Variants in CNTN5 observed in about 807,000 individuals in gnomAD.
CNTN5 encodes contactin 5.
Under a neutral mutation model 129.1 loss-of-function variants are expected in CNTN5, and 77 were observed. The ratio of observed to expected loss-of-function variants is 0.60; its 90% confidence interval spans 0.50 to 0.72. The LOEUF is 0.72. Among genes scored for constraint, CNTN5 ranks in the 30% least tolerant of loss-of-function variants. The pLI is 0.00. For synonymous variants in CNTN5, 509 were observed against 465.6 expected (o/e 1.09, Z -1.20); for missense variants, 1,478 against 1,328.8 (o/e 1.11, Z -1.75).
At chr11:99,475,694 GTTT>G (rs1205689088) in intron 2 of CNTN5, among the ~76,000 whole-genome samples, 1 of 151,338 alleles carries the variant, frequency 6.6e-6, no homozygotes, top group African/African-American at 2.4e-5. Context: ...TATTATATTG[GTTT>G]TTATTTGTAA....
chr11:100,056,433 A>G (rs12274874), intron 9 of CNTN5, among the ~76,000 whole-genome samples: 9,320 of 151,768 alleles, frequency 0.061, 973 homozygotes, highest in African/African-American at 0.21. Context: ...ACCATGAAAA[A>G]AAAAAGCTAA....
At chr11:99,988,982 A>G (rs1043418438) in intron 8 of CNTN5, among the ~76,000 whole-genome samples, 1 of 152,106 alleles carries the variant, frequency 6.6e-6, no homozygotes, top group Non-Finnish European at 1.5e-5. Context: ...GTTTTTGCAG[A>G]AAGGACTGTG....
intron 3 of CNTN5, among the ~76,000 whole-genome samples, chr11:99,794,149 C>A (rs1945850740): frequency 6.6e-6 from 1 of 150,488 alleles, no homozygotes; most frequent in Non-Finnish European, 1.5e-5. Flanking sequence ...TTGAATTGAA[C>A]CATTTACTGT....
intron 3 of CNTN5, among the ~76,000 whole-genome samples, chr11:99,683,862 G>A (rs555103623): frequency 2.7e-4 from 41 of 150,880 alleles, no homozygotes; most frequent in Non-Finnish European, 5.2e-4. Flanking sequence ...TGTACGTGAT[G>A]TTTTGATACA....
chr11:99,922,040 G>A (rs140316378), intron 7 of CNTN5, among the ~76,000 whole-genome samples: 108 of 152,188 alleles, frequency 7.1e-4, no homozygotes, highest in South Asian at 3.7e-3. Flanking sequence ...GTCCATTTTC[G>A]TATTGCTGTG....
At chr11:99,246,799 A>G (rs1861834652) in intron 1 of CNTN5, among the ~76,000 whole-genome samples, 1 of 152,156 alleles carries the variant, frequency 6.6e-6, no homozygotes, top group South Asian at 2.1e-4. Context: ...AGGAACAAAA[A>G]CAATATTGAC....
At chr11:99,718,763 G>A (rs933340390) in intron 3 of CNTN5, among the ~76,000 whole-genome samples, 2 of 152,036 alleles carry the variant, frequency 1.3e-5, no homozygotes, top group African/African-American at 4.8e-5. Flanking sequence ...TTTGCTAAGT[G>A]TCACAAACAC....
At chr11:100,211,392 A>G (rs1949027790) in intron 15 of CNTN5, among the ~76,000 whole-genome samples, 1 of 152,134 alleles carries the variant, frequency 6.6e-6, no homozygotes. Context: ...ATGTATGAAG[A>G]ACGATGTCAA....
intron 1 of CNTN5, among the ~76,000 whole-genome samples, chr11:99,178,288 C>T (rs960872784): frequency 6.6e-6 from 1 of 151,172 alleles, no homozygotes; most frequent in African/African-American, 2.4e-5. Flanking sequence ...CAAGACCAGT[C>T]TCAGTAACAG....
chr11:100,000,847 GC>G (rs1939819391), intron 8 of CNTN5, among the ~76,000 whole-genome samples: 1 of 152,114 alleles, frequency 6.6e-6, no homozygotes, highest in South Asian at 2.1e-4. Context: ...ATTTGCCAAG[GC>G]TTGGGGCTTG....
intron 2 of CNTN5, among the ~76,000 whole-genome samples, chr11:99,379,662 AAT>A (rs1186671820): frequency 1.3e-5 from 2 of 152,202 alleles, no homozygotes; most frequent in African/African-American, 2.4e-5. Flanking sequence ...GGTAGAAAAA[AAT>A]ATGTGTATTG....
chr11:99,455,122 G>A (rs994737456), intron 2 of CNTN5, among the ~76,000 whole-genome samples: 4 of 152,084 alleles, frequency 2.6e-5, no homozygotes, highest in Admixed American at 2.6e-4. Flanking sequence ...TTGGCTCAGG[G>A]AGAAGCAAAT....
intron 1 of CNTN5, among the ~76,000 whole-genome samples, chr11:99,227,852 A>G (rs1164065486): frequency 6.6e-6 from 1 of 152,166 alleles, no homozygotes; most frequent in Non-Finnish European, 1.5e-5. Context: ...TTTTTTATTT[A>G]GCTTATAGAT....
intron 21 of CNTN5, chr11:100,309,495 T>G: frequency 1.0e-6 from 1 of 968,376 alleles, no homozygotes; most frequent in Non-Finnish European, 1.2e-6. Context: ...TACAATATCA[T>G]GGACTTATTT....
At chr11:99,548,446 G>C (rs1009193116) in intron 2 of CNTN5, among the ~76,000 whole-genome samples, 3 of 152,198 alleles carry the variant, frequency 2.0e-5, no homozygotes, top group Non-Finnish European at 4.4e-5. Flanking sequence ...CTAAGTGTTT[G>C]CCTTATTTGG....
intron 9 of CNTN5, among the ~76,000 whole-genome samples, chr11:100,042,697 T>C (rs1254763013): frequency 1.3e-5 from 2 of 152,242 alleles, no homozygotes; most frequent in African/African-American, 4.8e-5. Context: ...TTTCAAGAAC[T>C]ACATTTGGAG....
At chr11:99,842,559 T>C (rs1347846096) in intron 4 of CNTN5, among the ~76,000 whole-genome samples, 2 of 152,226 alleles carry the variant, frequency 1.3e-5, no homozygotes, top group Admixed American at 6.5e-5. Flanking sequence ...TGTCCAACTC[T>C]AAAGCTCAGG....
At chr11:100,001,348 A>T (rs919512633) in intron 8 of CNTN5, among the ~76,000 whole-genome samples, 1 of 152,178 alleles carries the variant, frequency 6.6e-6, no homozygotes, top group East Asian at 1.9e-4. Flanking sequence ...ATCTACCTCC[A>T]TGATCCAGTC....
intron 8 of CNTN5, among the ~76,000 whole-genome samples, chr11:99,984,061 A>G (rs996628052): frequency 6.6e-6 from 1 of 152,168 alleles, no homozygotes; most frequent in African/African-American, 2.4e-5. Flanking sequence ...TGAGGTCAGG[A>G]GTTTGAGACC....
Sources: allele counts gnomAD v4.1 joint callset (sites outside exome capture counted in the v4.1 genomes callset), GRCh38; gene constraint gnomAD v4.1.1; transcripts MANE v1.5; gene names NCBI Gene and HGNC (gene_info 2026-07-23, HGNC 2026-07-21).